OTOG: variants seen among roughly 807,000 people sequenced by gnomAD.
OTOG encodes otogelin.
A neutral mutation model predicts 313.8 loss-of-function variants in OTOG; 296 were observed. The ratio of observed to expected loss-of-function variants is 0.94; its 90% CI spans 0.86 to 1.04. OTOG has a LOEUF of 1.04. Among genes scored for constraint, OTOG ranks in the 50% least tolerant of loss-of-function variants. OTOG has a pLI of 0.00. For synonymous variants in OTOG, 1,533 were observed against 1,554.9 expected, an observed-to-expected ratio of 0.99 and a Z score of 0.33; for missense variants, 3,948 against 3,840.1, an observed-to-expected ratio of 1.03 and a Z score of -0.74.
Position 17,641,086 on chromosome 11 carries a change from G to A in OTOG, c.8185G>A (p.Glu2729Lys), listed in dbSNP as rs1847961328. 6.5e-7 allele frequency: 1 copy of A among 1,540,972 alleles called. No homozygotes were observed. The highest frequency in any genetic ancestry group is 1.4e-5 in the African/African-American group (1 of 72,850). ...CTCCGTGCTCTGTGACATCCACTGT[G>A]AGGCGGTAGGGTGCAGCCCAGGGCG... Reference protein sequence around the residue: ...TTSVLCDIHCEANQEYEHPRD... With the variant: ...TTSVLCDIHCKANQEYEHPRD... The change falls in exon 51 of 56, where the codon GAG becomes AAG. Residue 2729 changes from glutamate to lysine, a missense_variant. Glu to Lys is a moderately conservative substitution (Grantham distance 56). Transcript: ENST00000399397.
rs937557181 is a variant in OTOG at position 17,610,126 on chromosome 11, C to T, written c.4826C>T (p.Pro1609Leu). ...ATCACAGTCTCCTCCCGGTCGCCCC[C>T]TGCCCCTCGCTTCCCGCTCATGACC... ...PNITVSSRSP[P>L]APRFPLMTKA... The change falls in exon 36 of 56, where the codon CCT (proline) becomes CTT (leucine). Residue 1609 changes from proline (P) to leucine (L), a missense_variant. Transcript: ENST00000399397. 20 of 1,550,504 alleles carry T rather than the reference C, an allele frequency of 1.3e-5. No individual in the cohort carries two copies. In the Admixed American group the frequency reaches 2.5e-4, roughly 20 times the overall value.
chr11:17,644,836 G>A (rs1848042490), intron 54 of OTOG, among the ~76,000 whole-genome samples: 1 of 152,248 alleles, frequency 6.6e-6, no homozygotes, highest in South Asian at 2.1e-4. Context: ...AAGCAAGGGA[G>A]GGGTCAGGGA....
chr11:17,553,638 C>T (rs1284890539), intron 6 of OTOG, 119 bp downstream of exon 6: 1 of 977,630 alleles, frequency 1.0e-6, no homozygotes, highest in Non-Finnish European at 1.3e-6. Flanking sequence ...TGCATCGCCC[C>T]CCAGCTCCCA....
intron 39 of OTOG, among the ~76,000 whole-genome samples, chr11:17,621,240 A>G (rs1006182281): frequency 2.6e-5 from 4 of 152,166 alleles, no homozygotes; most frequent in African/African-American, 9.7e-5. Flanking sequence ...GCTTTGTAGT[A>G]GTTATGCTAC....
At chr11:17,565,174 T>C (rs572294228) in intron 15 of OTOG, among the ~76,000 whole-genome samples, 27 of 152,350 alleles carry the variant, frequency 1.8e-4, no homozygotes, top group African/African-American at 6.0e-4. Context: ...TTACATATAG[T>C]CATCATGTCT....
Position 17,557,301 on chromosome 11 carries a change from G to A in OTOG, c.843G>A (p.Lys281=), listed in dbSNP as rs570688276. 6,547 of 1,550,602 alleles carry A rather than the reference G, an allele frequency of 4.2e-3. 24 individuals carry two copies. The highest frequency in any genetic ancestry group is 6.7e-3 in the Middle Eastern group (40 of 5,992). Residue 281 remains lysine (K), a synonymous_variant, in exon 8 of 56, where the codon AAG becomes AAA. Transcript: ENST00000399397. ...GLCGNNNADP[K]DDLVTSSGKL... ...GTGGGAACAACAATGCTGACCCCAA[G>A]GATGATCTGGTGACCAGCTCTGGTG...
chr11:17,558,535 T>C lies in OTOG; in HGVS notation c.997-3T>C. ...AGCCCTGGCTCCTGGTCCCTTGCTC[T>C]AGGGCGTGTACGAGCAGTGTGAGGC... is the stretch of plus-strand genomic sequence containing the variant. On this transcript the variant is annotated splice_polypyrimidine_tract_variant and splice_region_variant and intron_variant, in intron 9 of 55. Transcript: ENST00000399397. 1.9e-6 allele frequency: 3 copies of C among 1,550,476 alleles called. No homozygotes were observed. The highest frequency in any genetic ancestry group is 2.6e-6 in the Non-Finnish European group (3 of 1,146,980).
At position 17,559,538 on chromosome 11, in the gene OTOG, G is replaced by T. The variant is rs1449542065; in HGVS notation, c.1218G>T (p.Val406=). The T allele has an allele frequency of 6.4e-7, 1 of 1,550,642 alleles. No individual in the cohort carries two copies. ...GWRTQLRQCT[V]HCKEKAFTYN... Reference sequence around the variant, plus strand: ...CATGGATCCCTCCTTCCCAAGCTGTGCACTGCAAGGAGAAGGCCTTTACCT... The same window carrying T: ...CATGGATCCCTCCTTCCCAAGCTGTTCACTGCAAGGAGAAGGCCTTTACCT... Residue 406 remains valine, a synonymous_variant, in exon 12 of 56, where the codon GTG becomes GTT. Coordinates refer to ENST00000399397, the MANE Select transcript of OTOG (RefSeq NM_001292063.2).
intron 3 of OTOG, among the ~76,000 whole-genome samples, chr11:17,549,105 T>C (rs1319736745): frequency 6.6e-6 from 1 of 152,202 alleles, no homozygotes; most frequent in East Asian, 1.9e-4. Context: ...TTTTCTCCCT[T>C]TGCCAAACTT....
At position 17,557,157 on chromosome 11, in the gene OTOG, G is replaced by C. The variant is rs1158956222; in HGVS notation, c.699G>C (p.Gln233His). 1.5e-5 allele frequency: 23 copies of C among 1,550,456 alleles called. No homozygotes were observed. The highest frequency in any genetic ancestry group is 9.8e-5 in the Admixed American group (5 of 50,994). Residue 233 changes from glutamine to histidine, a missense_variant, in exon 8 of 56, where the codon CAG (glutamine) becomes CAC (histidine). Physicochemically the swap from Gln to His is conservative, Grantham distance 24. Transcript: ENST00000399397. ...LPHVMGSARLQQLAGYVIVRH... is the reference protein window; with the variant it reads ...LPHVMGSARLHQLAGYVIVRH... ...ATGTCATGGGGAGCGCGCGTCTGCA[G>C]CAGCTTGCCGGCTATGTCATCGTGC...
At position 17,570,234 on chromosome 11, in the gene OTOG, T is replaced by A. The variant is rs1481218499; in HGVS notation, c.1799T>A (p.Leu600Gln). 2 of 1,550,760 alleles carry A rather than the reference T, an allele frequency of 1.3e-6. No individual in the cohort carries two copies. Among genetic ancestry groups the A allele is most frequent in the Admixed American group, 3.9e-5 (2 of 50,984 alleles). The change falls in exon 17 of 56, where the codon CTG (leucine) becomes CAG (glutamine). Residue 600 changes from leucine (L) to glutamine (Q), a missense_variant. Physicochemically the swap from Leu to Gln is moderately radical, Grantham distance 113. Coordinates refer to ENST00000399397, the MANE Select transcript of OTOG (RefSeq NM_001292063.2). ...YTDDAFEIRR[L>Q]SSVFLRVRTN... ...CCAGATGCCTTTGAGATCCGTAGGC[T>A]GTCCTCCGTGTTCCTGCGGGTGAGG...
At position 17,594,213 on chromosome 11, in the gene OTOG, C is replaced by T. The variant is rs540139833; in HGVS notation, c.3408+47C>T. 7.9e-5 allele frequency: 122 copies of T among 1,549,752 alleles called. No homozygotes were observed. In the African/African-American group the frequency reaches 8.6e-4, roughly 11 times the overall value. On this transcript the variant is annotated intron_variant, in intron 28 of 55. Transcript: ENST00000399397. ...GGCTTATGCCCCTCACTCAGATGGG[C>T]GCTGCCAGCACTGAACCCGGCCCAA...
intron 25 of OTOG, among the ~76,000 whole-genome samples, chr11:17,592,621 A>G (rs1852976068): frequency 2.0e-5 from 3 of 152,162 alleles, no homozygotes; most frequent in Admixed American, 1.3e-4. Flanking sequence ...TTAAGAGGAT[A>G]CCTCGGACTT....
chr11:17,579,477 G>A (rs911068346), intron 23 of OTOG, among the ~76,000 whole-genome samples: 2 of 152,114 alleles, frequency 1.3e-5, no homozygotes, highest in Non-Finnish European at 2.9e-5. Context: ...AAAGAGCCAG[G>A]ACTCAAACCC....
chr11:17,628,513 G>A (rs1403957051), intron 39 of OTOG, among the ~76,000 whole-genome samples: 2 of 152,150 alleles, frequency 1.3e-5, no homozygotes, highest in Non-Finnish European at 2.9e-5. Flanking sequence ...TAAAGTGTTT[G>A]TGAGAATTAG....
chr11:17,559,503 G>A (rs1452954575), intron 11 of OTOG, 31 bp from the exon 12 acceptor site: 2 of 1,550,242 alleles, frequency 1.3e-6, no homozygotes, highest in East Asian at 2.4e-5. Context: ...GGGGCCAGTA[G>A]CTGAGAGACC....
At chr11:17,561,365 A>G (rs1016271404) in intron 14 of OTOG, among the ~76,000 whole-genome samples, 6 of 152,182 alleles carry the variant, frequency 3.9e-5, no homozygotes, top group Non-Finnish European at 1.5e-5. Flanking sequence ...TGGGTTCTGT[A>G]TATCTAAAGA....
chr11:17,608,809 T>A (rs1273371458), intron 34 of OTOG, among the ~76,000 whole-genome samples: 1 of 152,116 alleles, frequency 6.6e-6, no homozygotes, highest in Non-Finnish European at 1.5e-5. Flanking sequence ...CATGAGGCCA[T>A]GTGAGAATGT....
At chr11:17,557,042 G>C (rs1037970621) in intron 7 of OTOG, 76 bp from the exon 8 acceptor site, 5 of 1,410,116 alleles carry the variant, frequency 3.5e-6, no homozygotes, top group Non-Finnish European at 3.9e-6. Context: ...GGTAGGGACT[G>C]GCTGTTCCTT....
Sources: gnomAD v4.1 joint callset for allele counts (sites outside exome capture counted in the v4.1 genomes callset) on GRCh38, gnomAD v4.1.1 for gene constraint, MANE v1.5 for transcripts, NCBI Gene and HGNC (gene_info 2026-07-23, HGNC 2026-07-21) for gene names.